Variants in MMP26 observed in about 807,000 individuals in gnomAD.
The protein encoded by MMP26 is matrix metalloproteinase-26.
MMP26 carries 33 observed loss-of-function variants against 31.0 expected under a neutral mutation model. The ratio of observed to expected loss-of-function variants is 1.06; its 90% CI spans 0.81 to 1.42. The LOEUF (loss-of-function observed/expected upper bound fraction) is 1.42, where lower values mean the gene tolerates loss of function less well. Among genes scored for constraint, MMP26 ranks in the 40% most tolerant of loss-of-function variants. The probability of loss-of-function intolerance (pLI) is 0.00; values close to 1 mark genes in which losing one functional copy is unlikely to be tolerated. For missense variants in MMP26, 347 were observed against 316.1 expected (o/e 1.10, Z -0.74); for synonymous variants, 122 against 114.9 (o/e 1.06, Z -0.40).
intron 2 of MMP26, chr11:4,943,714 C>A (rs577032000): frequency 9.7e-5 from 34 of 351,250 alleles, no homozygotes; most frequent in Non-Finnish European, 1.7e-4. Flanking sequence ...TTAAGGAGCC[C>A]CAGAGTTGAG....
At chr11:4,741,540 C>T (rs781170623) in intron 1 of MMP26, among the ~76,000 whole-genome samples, 1 of 151,342 alleles carries the variant, frequency 6.6e-6, no homozygotes, top group Non-Finnish European at 1.5e-5. Context: ...CAGCACACTA[C>T]TACAGGAACA....
intron 2 of MMP26, among the ~76,000 whole-genome samples, chr11:4,902,266 T>G (rs895796764): frequency 6.6e-6 from 1 of 150,424 alleles, no homozygotes; most frequent in Non-Finnish European, 1.5e-5. Flanking sequence ...CAACCAGTGA[T>G]GTGGTTCCTA....
At chr11:4,860,363 A>T (rs1325130708) in intron 2 of MMP26, 1 of 471,262 alleles carries the variant, frequency 2.1e-6, no homozygotes, top group East Asian at 6.9e-5. Flanking sequence ...GTGAGAGCCA[A>T]GATAGAAAGG....
At chr11:4,953,291 T>C (rs2133612462) in intron 2 of MMP26, among the ~76,000 whole-genome samples, 1 of 125,458 alleles carries the variant, frequency 8.0e-6, no homozygotes, top group South Asian at 2.4e-4. Context: ...TTCATTAGCA[T>C]TTATTTATTG....
intron 1 of MMP26, chr11:4,718,847 C>G (rs1021706240): frequency 2.5e-5 from 4 of 162,042 alleles, no homozygotes; most frequent in African/African-American, 7.2e-5. Flanking sequence ...TCCATATCCA[C>G]TCTGGTCACC....
At chr11:4,746,207 T>C (rs1186174693) in intron 1 of MMP26, among the ~76,000 whole-genome samples, 13 of 152,226 alleles carry the variant, frequency 8.5e-5, no homozygotes, top group Admixed American at 7.2e-4. Flanking sequence ...TTCTCACTTT[T>C]AGTGATTTCT....
intron 1 of MMP26, among the ~76,000 whole-genome samples, chr11:4,766,301 T>C (rs1447277701): frequency 6.6e-6 from 1 of 152,114 alleles, no homozygotes; most frequent in Admixed American, 6.6e-5. Context: ...TTATGCGAAG[T>C]GGTGGAAATG....
chr11:4,724,879 GTTA>G (rs753621243), intron 1 of MMP26, among the ~76,000 whole-genome samples: 1 of 152,180 alleles, frequency 6.6e-6, no homozygotes. Context: ...AATTAAAAAA[GTTA>G]TTATAGACTG....
intron 2 of MMP26, among the ~76,000 whole-genome samples, chr11:4,774,419 T>C: frequency 6.6e-6 from 1 of 152,218 alleles, no homozygotes; most frequent in Non-Finnish European, 1.5e-5. Context: ...GCTGCATGAA[T>C]GTCTTCTTTT....
chr11:4,949,930 G>T (rs1846355907), intron 2 of MMP26, among the ~76,000 whole-genome samples: 1 of 122,690 alleles, frequency 8.2e-6, no homozygotes, highest in Non-Finnish European at 1.9e-5. Flanking sequence ...TTGAACTAAT[G>T]GCACTTATTC....
In MMP26 at chr11:4,773,521, C is replaced by G. The variant is rs375943355; in HGVS notation, c.-145+6180C>G. ...CAATAAGGCTTCAAATGAGACACAGCCTTTGGAGAAAACTCAGCAAAGCTG... is the reference window on the plus strand; with the variant it reads ...CAATAAGGCTTCAAATGAGACACAGGCTTTGGAGAAAACTCAGCAAAGCTG... On this transcript the variant is annotated intron_variant, in intron 2 of 7. Coordinates refer to ENST00000380390, the MANE Select transcript of MMP26 (RefSeq NM_021801.5). Among the ~76,000 whole-genome samples, 44 of 151,692 alleles carry G rather than the reference C, an allele frequency of 2.9e-4. No homozygotes were observed. In the East Asian group the frequency reaches 7.5e-3, roughly 26 times the overall value.
At chr11:4,988,891 CT>C (rs1564820377) in intron 3 of MMP26, among the ~76,000 whole-genome samples, 1 of 152,134 alleles carries the variant, frequency 6.6e-6, no homozygotes, top group Non-Finnish European at 1.5e-5. Context: ...TCATTTGCCT[CT>C]TAGTGCCCAG....
chr11:4,916,519 G>T (rs548679947), intron 2 of MMP26, among the ~76,000 whole-genome samples: 8 of 151,400 alleles, frequency 5.3e-5, no homozygotes, highest in Non-Finnish European at 7.4e-5. Flanking sequence ...TATAGTTTTA[G>T]TTTTTTTCTT....
rs140973840 is a variant in MMP26, at chr11:4,883,531, A to G, written c.-144-104537A>G. ...TTTATATACCTCCAATCCATCCAATATATAAAATTACACATTGACTTTCAT... is the reference window on the plus strand; with the variant it reads ...TTTATATACCTCCAATCCATCCAATGTATAAAATTACACATTGACTTTCAT... On this transcript the variant is annotated intron_variant, in intron 2 of 7. Coordinates refer to ENST00000380390, the MANE Select transcript of MMP26 (RefSeq NM_021801.5). Among the ~76,000 whole-genome samples, 4 of 152,260 alleles carry G rather than the reference A, an allele frequency of 2.6e-5. No homozygotes were observed. In the East Asian group the frequency reaches 7.7e-4, roughly 29 times the overall value.
intron 2 of MMP26, chr11:4,848,008 C>T: frequency 2.0e-6 from 1 of 506,010 alleles, no homozygotes; most frequent in Non-Finnish European, 3.5e-6. Context: ...GACTCTGGCC[C>T]TTCCTATGTC....
chr11:4,803,668 A>T, intron 2 of MMP26: 1 of 1,614,002 alleles, frequency 6.2e-7, no homozygotes, highest in Non-Finnish European at 8.5e-7. Context: ...AAAAGCTTTG[A>T]GGCGGGCTTC....
At chr11:4,892,756 G>C (rs1376045953) in intron 2 of MMP26, among the ~76,000 whole-genome samples, 1 of 152,068 alleles carries the variant, frequency 6.6e-6, no homozygotes, top group Non-Finnish European at 1.5e-5. Flanking sequence ...TAAGAGTCTT[G>C]CTTTGGCATG....
chr11:4,934,324 G>A (rs1039835337), intron 2 of MMP26, among the ~76,000 whole-genome samples: 1 of 146,618 alleles, frequency 6.8e-6, no homozygotes, highest in Non-Finnish European at 1.5e-5. Context: ...CTGATGGCCA[G>A]TGATGATGAG....
intron 2 of MMP26, among the ~76,000 whole-genome samples, chr11:4,814,473 G>A (rs553885484): frequency 6.7e-4 from 102 of 152,230 alleles, no homozygotes; most frequent in East Asian, 6.2e-3. Context: ...AGTATGAAGC[G>A]CTTCATAAAG....
Sources: gnomAD v4.1 joint callset for allele counts (sites outside exome capture counted in the v4.1 genomes callset) on GRCh38, gnomAD v4.1.1 for gene constraint, MANE v1.5 for transcripts, NCBI Gene and HGNC (gene_info 2026-07-23, HGNC 2026-07-21) for gene names.